ABCA12: variants seen among roughly 807,000 people sequenced by gnomAD.
ABCA12 encodes glucosylceramide transporter ABCA12.
Under a neutral mutation model 293.5 loss-of-function variants are expected in ABCA12, and 156 were observed. The observed-to-expected ratio is 0.53, with a 90% CI of 0.47 to 0.61. ABCA12 has a LOEUF of 0.61. Among genes scored for constraint, ABCA12 ranks in the 20% least tolerant of loss-of-function variants. The pLI is 0.00. For missense variants in ABCA12, 2,797 were observed against 3,090.2 expected (o/e 0.91, Z 2.25); for synonymous variants, 1,063 against 1,108.0 (o/e 0.96, Z 0.81).
intron 3 of ABCA12, among the ~76,000 whole-genome samples, chr2:215,055,344 C>T (rs1701399375): frequency 6.6e-6 from 1 of 152,040 alleles, no homozygotes; most frequent in South Asian, 2.1e-4. Flanking sequence ...ATTGCTGGGC[C>T]TTCCCACAAT....
intron 2 of ABCA12, among the ~76,000 whole-genome samples, chr2:215,087,194 G>A (rs989869404): frequency 5.9e-5 from 9 of 151,926 alleles, no homozygotes; most frequent in African/African-American, 1.9e-4. Context: ...CACCCACCTC[G>A]GCCTTCCAAA....
chr2:215,038,430 A>G (rs1701032591), intron 7 of ABCA12, among the ~76,000 whole-genome samples: 2 of 152,206 alleles, frequency 1.3e-5, no homozygotes, highest in African/African-American at 2.4e-5. Flanking sequence ...CTTTGCTTCA[A>G]CATGGTGGGG....
At chr2:214,936,999 A>T (rs549440412) in intron 51 of ABCA12, among the ~76,000 whole-genome samples, 57 of 152,280 alleles carry the variant, frequency 3.7e-4, no homozygotes, top group African/African-American at 1.2e-3. Flanking sequence ...ACAAAAATAT[A>T]TAATTAATTG....
At chr2:214,974,962 G>C in intron 34 of ABCA12, 98 bp from the exon 35 acceptor site, 5 of 1,151,278 alleles carry the variant, frequency 4.3e-6, no homozygotes, top group Non-Finnish European at 6.5e-6. Flanking sequence ...TATATAGAAG[G>C]GTTTTCTTTT....
intron 14 of ABCA12, 117 bp from the exon 15 acceptor site, chr2:215,015,780 T>C: frequency 2.3e-6 from 2 of 870,022 alleles, no homozygotes; most frequent in South Asian, 2.9e-5. Flanking sequence ...TCCTCAAGAA[T>C]CAAACAACTT....
rs1266227848 is a variant in ABCA12, at chr2:215,099,886, T to C, written c.163+11711A>G. Among the ~76,000 whole-genome samples the C allele has an allele frequency of 7.2e-5, 11 of 152,276 alleles. No individual in the cohort carries two copies. In the East Asian group the frequency reaches 2.1e-3, roughly 29 times the overall value. On this transcript the variant is annotated intron_variant, in intron 2 of 52. Coordinates refer to ENST00000272895, the MANE Select transcript of ABCA12 (RefSeq NM_173076.3). ...CAAACTTCCTTTAGTTTACCTCCCA[T>C]GCTGTAAAACACAAAATTAAATAAC...
chr2:215,064,594 T>A (rs1701602382), intron 2 of ABCA12, among the ~76,000 whole-genome samples: 1 of 151,918 alleles, frequency 6.6e-6, no homozygotes, highest in Non-Finnish European at 1.5e-5. Flanking sequence ...CCAATACAAA[T>A]GTTGTCAATT....
rs533734042 is a variant in ABCA12, at chr2:214,934,262, G to A, written c.7543-47C>T. The A allele has an allele frequency of 4.8e-5, 77 of 1,609,048 alleles. No individual in the cohort carries two copies. In the South Asian group the frequency reaches 8.1e-4, roughly 17 times the overall value. ...AGTTTATTTTGCAATGTCTGGTAAT[G>A]TTGACATGACTAGACATAACTTTAC... On this transcript the variant is annotated intron_variant, in intron 51 of 52. Coordinates refer to ENST00000272895, the MANE Select transcript of ABCA12 (RefSeq NM_173076.3).
chr2:215,010,852 A>G (rs1700356459), intron 17 of ABCA12, among the ~76,000 whole-genome samples: 2 of 152,222 alleles, frequency 1.3e-5, no homozygotes. Context: ...TGCTTGGTGA[A>G]TGAATAAAAA....
chr2:214,978,441 G>T lies in ABCA12; in HGVS notation c.5003C>A (p.Ser1668Ter). Reference sequence around the variant, plus strand: ...AAGACTCATAGCACTATTTTTTTGTGACTCTTTGGTCAAGTTCAGAAAGAC... The same window carrying T: ...AAGACTCATAGCACTATTTTTTTGTTACTCTTTGGTCAAGTTCAGAAAGAC... ...EEVFLNLTKESQKNSAMSLEH... is the reference protein window; with the variant it reads ...EEVFLNLTKE The change falls in exon 33 of 53, where the codon TCA (serine) becomes TAA (stop). Residue 1668 changes from serine (S) to a stop codon, truncating the protein, a stop_gained. Coordinates refer to ENST00000272895, the MANE Select transcript of ABCA12 (RefSeq NM_173076.3). LOFTEE classifies it high-confidence loss of function. 1.2e-6 allele frequency: 2 copies of T among 1,613,496 alleles called. No individual in the cohort carries two copies. The highest frequency in any genetic ancestry group is 1.7e-6 in the Non-Finnish European group (2 of 1,179,736).
intron 1 of ABCA12, among the ~76,000 whole-genome samples, chr2:215,120,281 G>A (rs558865381): frequency 1.3e-5 from 2 of 152,162 alleles, no homozygotes; most frequent in East Asian, 3.9e-4. Context: ...GAGGGAAGAG[G>A]GAGGGATGGA....
chr2:214,974,038 A>G lies in ABCA12; in HGVS notation c.5473T>C (p.Cys1825Arg). 4 of 1,613,724 alleles carry G rather than the reference A, an allele frequency of 2.5e-6. No homozygotes were observed. Among genetic ancestry groups the G allele is most frequent in the South Asian group, 1.1e-5 (1 of 91,068 alleles). ...TTTTCCAGACTGTCTTTGTTTAAAC[A>G]CTGTCTGCAAGTTAAAATGATATTG... is the stretch of plus-strand genomic sequence containing the variant. ...NMCLNTSDLQ[C>R]LNKDSLEKWN... The change falls in exon 36 of 53, where the codon TGT becomes CGT. Residue 1825 changes from cysteine (C) to arginine (R), a missense_variant. By Grantham distance (180) the Cys-to-Arg change is radical. This residue lies in a region of ABCA12 where 2,130 missense variants were observed against 2,427.0 expected (regional missense o/e 0.88). Transcript: ENST00000272895.
chr2:215,090,180 GC>G (rs895571387), intron 2 of ABCA12, among the ~76,000 whole-genome samples: 1 of 152,010 alleles, frequency 6.6e-6, no homozygotes, highest in Non-Finnish European at 1.5e-5. Context: ...CTATAAAACT[GC>G]CCCACCCCTA....
rs1331367427 is a variant in ABCA12 at position 214,932,744 on chromosome 2, G to A, written c.7681-3C>T. ...TCTTTGGCAAAGTTGATGAAAACCT[G>A]ATTTTTCAGGGAAAATAAAGCCATT... is the stretch of plus-strand genomic sequence containing the variant. On this transcript the variant is annotated splice_polypyrimidine_tract_variant and splice_region_variant and intron_variant, in intron 52 of 52. Coordinates refer to ENST00000272895, the MANE Select transcript of ABCA12 (RefSeq NM_173076.3). The A allele has an allele frequency of 6.2e-7, 1 of 1,609,028 alleles. No homozygotes were observed. Among genetic ancestry groups the A allele is most frequent in the Non-Finnish European group, 8.5e-7 (1 of 1,175,662 alleles).
At chr2:215,095,271 G>A (rs1205579507) in intron 2 of ABCA12, among the ~76,000 whole-genome samples, 1 of 152,004 alleles carries the variant, frequency 6.6e-6, no homozygotes, top group Non-Finnish European at 1.5e-5. Context: ...AACCAAGCAA[G>A]TAATTACACC....
At chr2:214,966,540 G>C (rs1224964657) in intron 39 of ABCA12, among the ~76,000 whole-genome samples, 1 of 152,172 alleles carries the variant, frequency 6.6e-6, no homozygotes, top group Non-Finnish European at 1.5e-5. Context: ...TTAGCCTATA[G>C]ACAAGCACGT....
At chr2:215,108,446 C>T (rs1244518961) in intron 2 of ABCA12, among the ~76,000 whole-genome samples, 2 of 152,112 alleles carry the variant, frequency 1.3e-5, no homozygotes, top group African/African-American at 4.8e-5. Context: ...AGTTCATGAG[C>T]TTAAAACAAG....
rs753639955 is a variant in ABCA12, at chr2:215,064,100, T to C, written c.283A>G (p.Arg95Gly). 6.2e-7 allele frequency: 1 copy of C among 1,612,942 alleles called. No individual in the cohort carries two copies. Among genetic ancestry groups the C allele is most frequent in the South Asian group, 1.1e-5 (1 of 91,078 alleles). The change falls in exon 3 of 53, where the codon AGG becomes GGG. Residue 95 changes from arginine to glycine, a missense_variant. This residue lies in a region of ABCA12 where 656 missense variants were observed against 638.2 expected (regional missense o/e 1.03). Coordinates refer to ENST00000272895, the MANE Select transcript of ABCA12 (RefSeq NM_173076.3). ...AATAGTGCATCATCAATTCCTTTCC[T>C]ACGAAGCAGATCTTGTGGGCCATAG... ...TPYGPQDLLR[R>G]KGIDDALFKD...
chr2:215,011,226 G>T (rs1364591868), intron 17 of ABCA12, among the ~76,000 whole-genome samples: 1 of 152,136 alleles, frequency 6.6e-6, no homozygotes, highest in Non-Finnish European at 1.5e-5. Flanking sequence ...ACACTGGCCA[G>T]GTTACTTACC....
Sources: allele counts gnomAD v4.1 joint callset (sites outside exome capture counted in the v4.1 genomes callset), GRCh38; gene constraint gnomAD v4.1.1; regional missense constraint gnomAD v4.1.1; transcripts MANE v1.5; gene names NCBI Gene and HGNC (gene_info 2026-07-23, HGNC 2026-07-21).